The following PLXNA2 variants were observed in gnomAD, a reference collection of about 807,000 sequenced individuals.
The protein encoded by PLXNA2 is plexin A2, also known as plexin-A2.
PLXNA2 carries 91 observed loss-of-function variants against 193.5 expected under a neutral mutation model. The ratio of observed to expected loss-of-function variants is 0.47; its 90% CI spans 0.40 to 0.56. The LOEUF (loss-of-function observed/expected upper bound fraction) is 0.56, where lower values mean the gene tolerates loss of function less well. Among genes scored for constraint, PLXNA2 ranks in the 20% least tolerant of loss-of-function variants. The probability of loss-of-function intolerance (pLI) is 0.00; values close to 1 mark genes in which losing one functional copy is unlikely to be tolerated. For missense variants in PLXNA2, 1,995 were observed against 2,503.2 expected (o/e 0.80, Z 4.33); for synonymous variants, 997 against 1,027.3 (o/e 0.97, Z 0.56).
chr1:208,080,356 T>G (rs1408852305), intron 11 of PLXNA2, among the ~76,000 whole-genome samples: 2 of 152,184 alleles, frequency 1.3e-5, no homozygotes, highest in Non-Finnish European at 2.9e-5. Flanking sequence ...TTAAAAGTGC[T>G]AGTATAACCA....
intron 4 of PLXNA2, 137 bp downstream of exon 4, chr1:208,142,192 C>T (rs1299822832): frequency 2.2e-6 from 2 of 915,404 alleles, no homozygotes; most frequent in Non-Finnish European, 3.1e-6. Flanking sequence ...AGCCTACAGG[C>T]ACTCTGCCTC....
At chr1:208,187,639 A>G (rs892775352) in intron 3 of PLXNA2, among the ~76,000 whole-genome samples, 1 of 152,246 alleles carries the variant, frequency 6.6e-6, no homozygotes, top group Non-Finnish European at 1.5e-5. Context: ...AGACGTCTGC[A>G]AGGTACTCTG....
At chr1:208,098,283 A>C (rs1250660526) in intron 6 of PLXNA2, among the ~76,000 whole-genome samples, 1 of 152,192 alleles carries the variant, frequency 6.6e-6, no homozygotes, top group East Asian at 1.9e-4. Context: ...AAACCTTCAG[A>C]ATGAAATAAT....
At chr1:208,232,405 C>T (rs1299799215) in intron 1 of PLXNA2, among the ~76,000 whole-genome samples, 1 of 152,232 alleles carries the variant, frequency 6.6e-6, no homozygotes, top group African/African-American at 2.4e-5. Context: ...CAGCCCTGGC[C>T]CTGCTGCTCT....
intron 3 of PLXNA2, among the ~76,000 whole-genome samples, chr1:208,190,296 T>C (rs961694490): frequency 6.6e-6 from 1 of 152,244 alleles, no homozygotes; most frequent in Non-Finnish European, 1.5e-5. Context: ...GAGTAGACTT[T>C]GGGGCTAGAA....
chr1:208,199,426 C>A (rs1266599189), intron 3 of PLXNA2, among the ~76,000 whole-genome samples: 1 of 152,212 alleles, frequency 6.6e-6, no homozygotes, highest in South Asian at 2.1e-4. Flanking sequence ...GGCGCAGTGG[C>A]TCACGCCTGT....
At chr1:208,195,101 G>A (rs1389634470) in intron 3 of PLXNA2, among the ~76,000 whole-genome samples, 2 of 152,188 alleles carry the variant, frequency 1.3e-5, no homozygotes, top group East Asian at 3.9e-4. Flanking sequence ...CACAAGAAGA[G>A]TGAGTGGGAG....
intron 3 of PLXNA2, among the ~76,000 whole-genome samples, chr1:208,145,715 C>T (rs1006515161): frequency 1.3e-5 from 2 of 152,176 alleles, no homozygotes; most frequent in Non-Finnish European, 2.9e-5. Context: ...CCAATCCCAA[C>T]CATTAATATT....
rs769355682 is a variant in PLXNA2, at chr1:208,217,837, G to T, written c.86C>A (p.Ala29Asp). 5 of 1,613,908 alleles carry T rather than the reference G, an allele frequency of 3.1e-6. No homozygotes were observed. The highest frequency in any genetic ancestry group is 4.2e-6 in the Non-Finnish European group (5 of 1,180,030). Residue 29 changes from alanine to aspartate, a missense_variant, in exon 2 of 32, where the codon GCC becomes GAC. Physicochemically the swap from Ala to Asp is moderately radical, Grantham distance 126. Around this residue, in one of 3 missense-constraint regions of PLXNA2, gnomAD observed 702 missense variants for 812.9 expected, o/e 0.86. Coordinates refer to ENST00000367033, the MANE Select transcript of PLXNA2 (RefSeq NM_025179.4). This position sits in a 1 kb window ranked among gnomAD's most constrained non-coding sequence, Gnocchi z 4.7. ...CTGAGGCATGCCGGCTGCTGGGGGG[G>T]CCAGCAGCACCCAGACCACTGAGAG... is the stretch of plus-strand genomic sequence containing the variant. ...VLLSVVWVLL[A>D]PPAAGMPQFS...
chr1:208,178,299 C>T (rs896783581), intron 3 of PLXNA2, among the ~76,000 whole-genome samples: 4 of 152,176 alleles, frequency 2.6e-5, no homozygotes, highest in Non-Finnish European at 4.4e-5. Context: ...CTGTTCCCTA[C>T]AGGGCATGGG....
intron 3 of PLXNA2, among the ~76,000 whole-genome samples, chr1:208,189,061 C>T (rs992523384): frequency 7.9e-5 from 12 of 152,284 alleles, no homozygotes; most frequent in South Asian, 2.1e-4. Flanking sequence ...ACATTCTCTA[C>T]GAGAAGCGCA....
chr1:208,147,914 T>A (rs1668647479), intron 3 of PLXNA2, among the ~76,000 whole-genome samples: 1 of 152,176 alleles, frequency 6.6e-6, no homozygotes, highest in South Asian at 2.1e-4. Flanking sequence ...AACCTAATTT[T>A]TGGGGGCCTT....
chr1:208,205,430 C>T (rs1284474035), intron 3 of PLXNA2, among the ~76,000 whole-genome samples: 1 of 152,176 alleles, frequency 6.6e-6, no homozygotes, highest in African/African-American at 2.4e-5. Flanking sequence ...CCAGGCCATG[C>T]CTTGCCCTGT....
intron 3 of PLXNA2, among the ~76,000 whole-genome samples, chr1:208,184,748 TAC>T (rs371660120): frequency 2.4e-4 from 36 of 148,838 alleles, no homozygotes; most frequent in East Asian, 5.9e-4. Flanking sequence ...TCACAAAGAG[TAC>T]ACACACACAC....
intron 17 of PLXNA2, among the ~76,000 whole-genome samples, chr1:208,047,987 A>G (rs1665133532): frequency 6.6e-6 from 1 of 151,986 alleles, no homozygotes; most frequent in Non-Finnish European, 1.5e-5. Flanking sequence ...GGGGAGGTTG[A>G]GGGGTGTGGT....
At chr1:208,047,363 T>C (rs1665113169) in intron 17 of PLXNA2, among the ~76,000 whole-genome samples, 1 of 90,958 alleles carries the variant, frequency 1.1e-5, no homozygotes, top group African/African-American at 3.6e-5. Flanking sequence ...GTTCATGATA[T>C]CTTTTTTCTC....
At chr1:208,040,361 C>T in intron 22 of PLXNA2, 1 of 391,180 alleles carries the variant, frequency 2.6e-6, no homozygotes, top group Non-Finnish European at 4.7e-6. Context: ...ATAAAGGCAC[C>T]TCACTATCCC....
intron 3 of PLXNA2, among the ~76,000 whole-genome samples, chr1:208,182,588 G>C (rs74153100): frequency 1.3e-5 from 2 of 151,954 alleles, no homozygotes; most frequent in Non-Finnish European, 2.9e-5. Flanking sequence ...ATGGAGCTCC[G>C]GAAGGGCCTT....
At chr1:208,175,728 A>G (rs1669641543) in intron 3 of PLXNA2, among the ~76,000 whole-genome samples, 1 of 152,216 alleles carries the variant, frequency 6.6e-6, no homozygotes, top group African/African-American at 2.4e-5. Flanking sequence ...TGGAAAGGTC[A>G]TCCATAGCCC....
Sources: allele counts gnomAD v4.1 joint callset (sites outside exome capture counted in the v4.1 genomes callset), GRCh38; gene constraint gnomAD v4.1.1; regional missense constraint gnomAD v4.1.1; non-coding constraint Gnocchi (gnomAD v3.1); transcripts MANE v1.5; gene names NCBI Gene and HGNC (gene_info 2026-07-23, HGNC 2026-07-21).